AGBL1: variants seen among roughly 807,000 people sequenced by gnomAD.
AGBL1 encodes the protein cytosolic carboxypeptidase 4.
A neutral mutation model predicts 118.9 loss-of-function variants in AGBL1; 130 were observed. That is an observed-to-expected ratio of 1.09 (90% CI 0.95 to 1.26). AGBL1 has a LOEUF of 1.26. AGBL1 is among the 50% of genes most tolerant of loss of function. The pLI, the probability that AGBL1 is intolerant of heterozygous loss-of-function variation, is 0.00. For missense variants in AGBL1, 1,584 were observed against 1,298.1 expected (o/e 1.22, Z -3.38); for synonymous variants, 555 against 478.9 (o/e 1.16, Z -2.08).
At chr15:86,617,429 A>G (rs897929572) in intron 21 of AGBL1, among the ~76,000 whole-genome samples, 2 of 152,182 alleles carry the variant, frequency 1.3e-5, no homozygotes, top group Admixed American at 6.6e-5. Context: ...AATGATTTAC[A>G]TTAAAAATAT....
chr15:86,814,112 C>G lies in AGBL1; in HGVS notation c.3159-92975C>G, dbSNP rs868209671. Among the ~76,000 whole-genome samples the G allele has an allele frequency of 3.3e-5, 5 of 152,144 alleles. 1 individual carries two copies. In the South Asian group the frequency reaches 1.0e-3, roughly 32 times the overall value. ...GTCTGGTCCATGGCCTATTAGGAAGCAGGCCCCAGAGCAGGAGATGAGCTG... is the reference window on the plus strand; with the variant it reads ...GTCTGGTCCATGGCCTATTAGGAAGGAGGCCCCAGAGCAGGAGATGAGCTG... On this transcript the variant is annotated intron_variant, in intron 22 of 22. Transcript: ENST00000614907.
chr15:86,607,965 G>A (rs1400095676), intron 21 of AGBL1, among the ~76,000 whole-genome samples: 1 of 152,124 alleles, frequency 6.6e-6, no homozygotes. Flanking sequence ...TAAACCATAA[G>A]AGAAACATGT....
At chr15:86,266,509 T>C (rs1169695273) in intron 12 of AGBL1, 52 bp downstream of exon 12, 2 of 1,291,552 alleles carry the variant, frequency 1.5e-6, no homozygotes, top group Non-Finnish European at 2.2e-6. Context: ...ATTCTCTTAA[T>C]GGCATGAGAA....
intron 22 of AGBL1, among the ~76,000 whole-genome samples, chr15:86,719,503 T>C (rs1383554786): frequency 6.6e-5 from 10 of 152,172 alleles, no homozygotes; most frequent in African/African-American, 2.2e-4. Context: ...TTCCTTTCTA[T>C]GCATAGGGAG....
intron 23 of AGBL1, among the ~76,000 whole-genome samples, chr15:86,928,928 A>G (rs996499174): frequency 1.3e-5 from 2 of 152,146 alleles, no homozygotes; most frequent in African/African-American, 4.8e-5. Context: ...CCATTTAACC[A>G]TTTAAAATGT....
chr15:86,906,969 C>G (rs1410282878), intron 22 of AGBL1, 118 bp from the exon 23 acceptor site: 1 of 152,252 alleles, frequency 6.6e-6, no homozygotes, highest in Non-Finnish European at 1.5e-5. Flanking sequence ...TTCTCTTTTT[C>G]ATTTCTCTCT....
intron 18 of AGBL1, among the ~76,000 whole-genome samples, chr15:86,421,058 T>C (rs961031475): frequency 1.3e-5 from 2 of 152,208 alleles, no homozygotes; most frequent in Non-Finnish European, 2.9e-5. Context: ...CCGGGAAAAC[T>C]TCCCCAACCT....
chr15:86,955,253 A>C (rs539087932), intron 23 of AGBL1, among the ~76,000 whole-genome samples: 1 of 152,248 alleles, frequency 6.6e-6, no homozygotes, highest in East Asian at 1.9e-4. Context: ...ATTGTAATGA[A>C]ATTTTTTTAA....
intron 18 of AGBL1, among the ~76,000 whole-genome samples, chr15:86,477,068 A>C (rs1419554155): frequency 1.3e-5 from 2 of 152,200 alleles, no homozygotes; most frequent in African/African-American, 4.8e-5. Flanking sequence ...AATCTCTGGG[A>C]CACATTTAAA....
At chr15:86,846,636 GTT>G (rs2079323191) in intron 22 of AGBL1, among the ~76,000 whole-genome samples, 1 of 152,044 alleles carries the variant, frequency 6.6e-6, no homozygotes, top group African/African-American at 2.4e-5. Context: ...GGTTCAAGCA[GTT>G]CTCCTGATTC....
At chr15:86,283,464 A>C (rs980898254) in intron 16 of AGBL1, among the ~76,000 whole-genome samples, 17 of 144,224 alleles carry the variant, frequency 1.2e-4, no homozygotes, top group Non-Finnish European at 1.8e-4. Context: ...TGTTATCTCC[A>C]GAGACAGGGG....
chr15:86,574,135 G>T (rs1413004363), intron 21 of AGBL1, among the ~76,000 whole-genome samples: 1 of 152,224 alleles, frequency 6.6e-6, no homozygotes, highest in Non-Finnish European at 1.5e-5. Context: ...AGTCAAGGAG[G>T]TCCACTCAGC....
At chr15:86,252,749 C>G (rs558793157) in intron 7 of AGBL1, among the ~76,000 whole-genome samples, 1 of 152,298 alleles carries the variant, frequency 6.6e-6, no homozygotes, top group South Asian at 2.1e-4. Context: ...CAGGCACAGA[C>G]AGAGAAGCTG....
intron 17 of AGBL1, among the ~76,000 whole-genome samples, chr15:86,396,758 A>G (rs531571382): frequency 6.6e-6 from 1 of 152,262 alleles, no homozygotes; most frequent in East Asian, 1.9e-4. Context: ...ACAACCACAT[A>G]AAGTCAGTAT....
chr15:86,785,392 TG>T (rs1156361402), intron 22 of AGBL1, among the ~76,000 whole-genome samples: 1 of 150,244 alleles, frequency 6.7e-6, no homozygotes, highest in Non-Finnish European at 1.5e-5. Context: ...TTTGTTTTTT[TG>T]AGATGGAGTG....
At chr15:86,322,727 G>C (rs1332509275) in intron 17 of AGBL1, among the ~76,000 whole-genome samples, 1 of 152,112 alleles carries the variant, frequency 6.6e-6, no homozygotes, top group Admixed American at 6.5e-5. Flanking sequence ...CTCAACACAA[G>C]TCCAGATGAA....
At chr15:86,370,575 G>A (rs551570888) in intron 17 of AGBL1, among the ~76,000 whole-genome samples, 5 of 152,228 alleles carry the variant, frequency 3.3e-5, no homozygotes, top group East Asian at 1.9e-4. Flanking sequence ...GATTACAGGC[G>A]TGAGCCACTG....
At chr15:86,633,862 AAT>A (rs1491558296) in intron 21 of AGBL1, among the ~76,000 whole-genome samples, 3 of 25,024 alleles carry the variant, frequency 1.2e-4, no homozygotes, top group East Asian at 4.0e-3. Context: ...ATATATATAT[AAT>A]GTATATATAT....
chr15:86,577,212 A>T (rs1337738792), intron 21 of AGBL1, among the ~76,000 whole-genome samples: 1 of 152,176 alleles, frequency 6.6e-6, no homozygotes, highest in Non-Finnish European at 1.5e-5. Context: ...TCACATGGAG[A>T]TGAGGACCTT....
Sources: allele counts gnomAD v4.1 joint callset (sites outside exome capture counted in the v4.1 genomes callset), GRCh38; gene constraint gnomAD v4.1.1; transcripts MANE v1.5; gene names NCBI Gene and HGNC (gene_info 2026-07-23, HGNC 2026-07-21).